Variants in RGL1 observed in about 807,000 individuals in gnomAD.
RGL1 encodes the protein ral guanine nucleotide dissociation stimulator like 1.
RGL1 carries 24 observed loss-of-function variants against 95.2 expected under a neutral mutation model. The observed-to-expected ratio is 0.25, with a 90% CI of 0.18 to 0.35. The LOEUF (loss-of-function observed/expected upper bound fraction) is 0.35, where lower values mean the gene tolerates loss of function less well. Ranked by LOEUF, RGL1 falls within the 10% of genes least tolerant of loss-of-function variation. The pLI, the probability that RGL1 is intolerant of heterozygous loss-of-function variation, is 1.00. For missense variants in RGL1, 715 were observed against 936.3 expected (o/e 0.76, Z 3.08); for synonymous variants, 329 against 344.9 (o/e 0.95, Z 0.51).
At chr1:183,899,101 T>C (rs1020879490) in intron 10 of RGL1, among the ~76,000 whole-genome samples, 8 of 152,222 alleles carry the variant, frequency 5.3e-5, no homozygotes, top group Non-Finnish European at 8.8e-5. Context: ...CACCTTCATT[T>C]CCAACTTTTT....
intron 2 of RGL1, among the ~76,000 whole-genome samples, chr1:183,841,062 T>TCACCAG (rs1664028435): frequency 6.6e-6 from 1 of 152,202 alleles, no homozygotes. Flanking sequence ...TCTGTTTCCT[T>TCACCAG]CACCAGACTG....
At chr1:183,870,050 T>C (rs1049413732) in intron 4 of RGL1, among the ~76,000 whole-genome samples, 2 of 152,200 alleles carry the variant, frequency 1.3e-5, no homozygotes, top group African/African-American at 4.8e-5. Flanking sequence ...TGAAAGTTTC[T>C]TGTATTGGTT....
chr1:183,720,696 T>C (rs1180830916), intron 1 of RGL1, among the ~76,000 whole-genome samples: 1 of 152,172 alleles, frequency 6.6e-6, no homozygotes, highest in Non-Finnish European at 1.5e-5. Flanking sequence ...ACCTAATGTG[T>C]GGAGAATGGA....
At position 183,927,761 on chromosome 1, in the gene RGL1, C is replaced by G. The variant is rs1669695529; in HGVS notation, c.*1469C>G. The G allele has an allele frequency of 6.6e-6, 1 of 152,534 alleles. No individual in the cohort carries two copies. Among genetic ancestry groups the G allele is most frequent in the South Asian group, 2.1e-4 (1 of 4,818 alleles). The allele number at this position is 152,534 out of a possible 1,614,324, so 9.4% of individuals were successfully genotyped here. ...GATTCTCAAAATACCAGTTTTTATT[C>G]CAAAAATTTAGAGAACAAACCCGGA... On this transcript the variant is annotated 3_prime_UTR_variant, in exon 18 of 18. Coordinates refer to ENST00000360851, the MANE Select transcript of RGL1 (RefSeq NM_001297671.3).
At chr1:183,810,132 C>T (rs1558220010) in intron 2 of RGL1, among the ~76,000 whole-genome samples, 1 of 152,146 alleles carries the variant, frequency 6.6e-6, no homozygotes, top group African/African-American at 2.4e-5. Flanking sequence ...GGAAGTGTAA[C>T]ATTTCAGGAT....
At chr1:183,682,797 A>T (rs1327201574) in intron 1 of RGL1, among the ~76,000 whole-genome samples, 1 of 152,062 alleles carries the variant, frequency 6.6e-6, no homozygotes, top group African/African-American at 2.4e-5. Context: ...ATTGTGTGGG[A>T]GTCTAAGTTT....
At chr1:183,676,560 C>T (rs1354505396) in intron 1 of RGL1, among the ~76,000 whole-genome samples, 3 of 151,836 alleles carry the variant, frequency 2.0e-5, no homozygotes, top group African/African-American at 7.2e-5. Flanking sequence ...AAAACAATGT[C>T]CCTAGCTATG....
At chr1:183,733,265 A>AATGTC (rs1183390110) in intron 1 of RGL1, among the ~76,000 whole-genome samples, 1 of 152,144 alleles carries the variant, frequency 6.6e-6, no homozygotes, top group East Asian at 1.9e-4. Context: ...TACTGATAAA[A>AATGTC]ATGTCACTAT....
At chr1:183,697,326 C>T (rs1471207589) in intron 1 of RGL1, among the ~76,000 whole-genome samples, 1 of 152,148 alleles carries the variant, frequency 6.6e-6, no homozygotes, top group Non-Finnish European at 1.5e-5. Context: ...TTGCTTATTT[C>T]TCCCTATTGT....
chr1:183,688,868 T>A (rs916801843), intron 1 of RGL1, among the ~76,000 whole-genome samples: 1 of 152,170 alleles, frequency 6.6e-6, no homozygotes, highest in Non-Finnish European at 1.5e-5. Context: ...ATATTAAACT[T>A]CACAGTAAAA....
intron 1 of RGL1, among the ~76,000 whole-genome samples, chr1:183,714,947 G>A (rs2102186736): frequency 6.6e-6 from 1 of 152,192 alleles, no homozygotes. Flanking sequence ...GGAAGCTTAG[G>A]TTCTGATTCT....
At chr1:183,917,615 A>G (rs151145870) in intron 16 of RGL1, among the ~76,000 whole-genome samples, 63 of 152,366 alleles carry the variant, frequency 4.1e-4, no homozygotes, top group African/African-American at 1.3e-3. Context: ...GAGTCAACAA[A>G]ATATCAAACA....
intron 3 of RGL1, among the ~76,000 whole-genome samples, chr1:183,863,956 A>C (rs1415964688): frequency 6.6e-6 from 1 of 152,224 alleles, no homozygotes; most frequent in Non-Finnish European, 1.5e-5. Context: ...TTGGCTCACC[A>C]GTATAAGTTA....
At chr1:183,883,636 C>A in intron 5 of RGL1, 150 bp from the exon 6 acceptor site, 1 of 735,186 alleles carries the variant, frequency 1.4e-6, no homozygotes, top group Non-Finnish European at 2.3e-6. Context: ...CTCCATTGTT[C>A]TCAGATGCAT....
chr1:183,806,610 C>G, intron 2 of RGL1, 125 bp downstream of exon 2: 1 of 652,376 alleles, frequency 1.5e-6, no homozygotes, highest in South Asian at 2.0e-5. Flanking sequence ...AAGGAAAATG[C>G]TAATGACCAA....
At chr1:183,856,245 G>A (rs1479106077) in intron 3 of RGL1, among the ~76,000 whole-genome samples, 5 of 151,190 alleles carry the variant, frequency 3.3e-5, no homozygotes, top group African/African-American at 1.2e-4. Context: ...TGACTTCCTA[G>A]GCAAAAAAAC....
intron 1 of RGL1, chr1:183,653,301 C>T (rs1400184679): frequency 1.3e-5 from 2 of 152,270 alleles, no homozygotes; most frequent in African/African-American, 4.8e-5. Flanking sequence ...GTGTGGCTAC[C>T]TCTAAGAACA....
intron 3 of RGL1, among the ~76,000 whole-genome samples, chr1:183,860,270 C>T (rs549139869): frequency 6.6e-6 from 1 of 152,236 alleles, no homozygotes; most frequent in African/African-American, 2.4e-5. Context: ...TTCTTTTATT[C>T]TTGGTAGAAG....
At chr1:183,816,662 T>A (rs1662109119) in intron 2 of RGL1, among the ~76,000 whole-genome samples, 1 of 152,226 alleles carries the variant, frequency 6.6e-6, no homozygotes, top group Non-Finnish European at 1.5e-5. Flanking sequence ...TATAAGGATA[T>A]TCTTACTGTC....
Sources: gnomAD v4.1 joint callset for allele counts (sites outside exome capture counted in the v4.1 genomes callset) on GRCh38, gnomAD v4.1.1 for gene constraint, MANE v1.5 for transcripts, NCBI Gene and HGNC (gene_info 2026-07-23, HGNC 2026-07-21) for gene names.